Variants in MED28 observed in about 807,000 individuals in gnomAD.
MED28 encodes mediator complex subunit 28.
Under a neutral mutation model 21.3 loss-of-function variants are expected in MED28, and 26 were observed. The ratio of observed to expected loss-of-function variants is 1.22; its 90% CI spans 0.89 to 1.69. The LOEUF (loss-of-function observed/expected upper bound fraction) is 1.69. MED28 is among the 40% of genes most tolerant of loss of function. The pLI is 0.00. For missense variants in MED28, 257 were observed against 215.4 expected, an observed-to-expected ratio of 1.19 and a Z score of -1.21; for synonymous variants, 110 against 87.6, an observed-to-expected ratio of 1.26 and a Z score of -1.43.
intron 2 of MED28, among the ~76,000 whole-genome samples, chr4:17,620,564 C>T (rs1014980826): frequency 1.3e-5 from 2 of 152,182 alleles, no homozygotes; most frequent in African/African-American, 2.4e-5. Flanking sequence ...AACTCCTGAT[C>T]TCTGGTGATC....
chr4:17,615,080 C>T lies in MED28; in HGVS notation c.159+267C>T, dbSNP rs1336639048. On this transcript the variant is annotated intron_variant, in intron 1 of 3. Coordinates refer to ENST00000237380, the MANE Select transcript of MED28 (RefSeq NM_025205.5). The stretch of plus-strand genomic sequence containing the variant: ...ACTTGGAACCCTTCCAGATTCCCAG[C>T]CGGTCCTTAGTCTCATCCCCGAGCA... Among the ~76,000 whole-genome samples, 3 of 152,200 alleles carry T rather than the reference C, an allele frequency of 2.0e-5. No individual in the cohort carries two copies. In the South Asian group the frequency reaches 6.2e-4, roughly 32 times the overall value.
Position 17,627,862 on chromosome 4 carries a change from T to G in MED28, c.*4064T>G, listed in dbSNP as rs369483785. ...AAAAATAAAAAAATACTGAGCAGTC[T>G]GCTTGGGCGCTTCCATCAGCCTGGC... is the stretch of plus-strand genomic sequence containing the variant. On this transcript the variant is annotated 3_prime_UTR_variant, in exon 4 of 4. Transcript: ENST00000237380. 1 of 152,304 alleles carries G rather than the reference T, an allele frequency of 6.6e-6. No homozygotes were observed. Among genetic ancestry groups the G allele is most frequent in the African/African-American group, 2.4e-5 (1 of 41,456 alleles). The allele number at this position is 152,304 out of a possible 1,614,324, so 9.4% of individuals were successfully genotyped here.
chr4:17,617,170 C>A (rs1255348491), intron 1 of MED28, among the ~76,000 whole-genome samples: 1 of 152,190 alleles, frequency 6.6e-6, no homozygotes, highest in Non-Finnish European at 1.5e-5. Context: ...GAGCTGGATC[C>A]TCTCTGCTGC....
In MED28 at chr4:17,623,738, C is replaced by G. The variant is rs750651453; in HGVS notation, c.477C>G (p.Gly159=). The G allele has an allele frequency of 3.7e-6, 6 of 1,614,086 alleles. No individual in the cohort carries two copies. In the African/African-American group the frequency reaches 8.0e-5, roughly 22 times the overall value. ...AAAAGCCCGCCGACATCCCTCAGGG[C>G]TCCTTGGCCTACCTGGAGCAGGCAT... The part of the protein sequence containing the change: ...QHKKPADIPQ[G]SLAYLEQASA... The change falls in exon 4 of 4, where the codon GGC becomes GGG. Residue 159 remains glycine (G), a synonymous_variant. Transcript: ENST00000237380.
rs765262658 is a variant in MED28 at position 17,630,602 on chromosome 4, G to A, written c.*6804G>A. The A allele has an allele frequency of 2.0e-5, 3 of 152,178 alleles. No homozygotes were observed. The highest frequency in any genetic ancestry group is 4.4e-5 in the Non-Finnish European group (3 of 68,038). The allele number at this position is 152,178 out of a possible 1,614,324, so 9.4% of individuals were successfully genotyped here. A position where few individuals can be genotyped will look rare whatever the true frequency, so the allele number is the denominator to read the frequency against. ...GATATTTTGTTAGAGCAGCCTGAAC[G>A]AACTAAGACACTCTAAGCGGGAAAC... On this transcript the variant is annotated 3_prime_UTR_variant, in exon 4 of 4. Coordinates refer to ENST00000237380, the MANE Select transcript of MED28 (RefSeq NM_025205.5).
rs753434243 is a variant in MED28 at position 17,632,544 on chromosome 4, G to C, written c.*8746G>C. The C allele has an allele frequency of 7.5e-5, 116 of 1,550,852 alleles. No homozygotes were observed. The highest frequency in any genetic ancestry group is 1.4e-4 in the Admixed American group (7 of 50,950). ...CCCAAAGGTTAGCTTAGAAAGAAAA[G>C]TACTTGGTGAACCATTCCTGGTGCG... On this transcript the variant is annotated 3_prime_UTR_variant, in exon 4 of 4. Coordinates refer to ENST00000237380, the MANE Select transcript of MED28 (RefSeq NM_025205.5).
At chr4:17,622,639 C>A (rs1426461896) in intron 3 of MED28, among the ~76,000 whole-genome samples, 2 of 152,136 alleles carry the variant, frequency 1.3e-5, no homozygotes, top group Non-Finnish European at 2.9e-5. Flanking sequence ...CAGCAGTAGC[C>A]TTTGGAGAGA....
rs1714744474 is a variant in MED28, at chr4:17,625,237, A to T, written c.*1439A>T. On this transcript the variant is annotated 3_prime_UTR_variant, in exon 4 of 4. Coordinates refer to ENST00000237380, the MANE Select transcript of MED28 (RefSeq NM_025205.5). ...TCTACACCCATGAGAATTAGACATT[A>T]TTCTCCTTAAATATATAAGGACCAT... The T allele has an allele frequency of 6.5e-6, 1 of 153,812 alleles. No individual in the cohort carries two copies. 9.5% of individuals were successfully genotyped at this position (153,812 alleles called of 1,614,324 possible). A position where few individuals can be genotyped will look rare whatever the true frequency, so the allele number is the denominator to read the frequency against.
rs1714694921 is a variant in MED28, at chr4:17,623,631, C to T, written c.370C>T (p.Arg124Trp). The change falls in exon 4 of 4, where the codon CGG becomes TGG. Residue 124 changes from arginine to tryptophan, a missense_variant. Coordinates refer to ENST00000237380, the MANE Select transcript of MED28 (RefSeq NM_025205.5). Reference sequence around the variant, plus strand: ...GTCAGAACTAAGGAATGAATTACAGCGGAAAGATGCACTAGTCCAGAAGCA... The same window carrying T: ...GTCAGAACTAAGGAATGAATTACAGTGGAAAGATGCACTAGTCCAGAAGCA... ...DVSELRNELQ[R>W]KDALVQKHLT... 6.8e-6 allele frequency: 11 copies of T among 1,614,000 alleles called. No homozygotes were observed. The highest frequency in any genetic ancestry group is 1.3e-5 in the African/African-American group (1 of 74,912).
At position 17,632,499 on chromosome 4, in the gene MED28, A is replaced by C. The variant is rs1228084237; in HGVS notation, c.*8701A>C. ...GGATGATTTAAAATAAATGTTTTTC[A>C]AGTATCCTCTGTGATGTATCCCAAA... On this transcript the variant is annotated 3_prime_UTR_variant, in exon 4 of 4. Transcript: ENST00000237380. 2 of 1,456,568 alleles carry C rather than the reference A, an allele frequency of 1.4e-6. No homozygotes were observed. Among genetic ancestry groups the C allele is most frequent in the South Asian group, 2.5e-5 (2 of 79,540 alleles). 90.2% of individuals were successfully genotyped at this position (1,456,568 alleles called of 1,614,324 possible).
chr4:17,633,973 A>G lies in MED28; in HGVS notation c.*10175A>G, dbSNP rs1715046311. The G allele has an allele frequency of 9.1e-6, 10 of 1,102,638 alleles. No individual in the cohort carries two copies. The highest frequency in any genetic ancestry group is 1.2e-5 in the Non-Finnish European group (10 of 831,280). The allele number at this position is 1,102,638 out of a possible 1,614,324, so 68.3% of individuals were successfully genotyped here. A position where few individuals can be genotyped will look rare whatever the true frequency, so the allele number is the denominator to read the frequency against. On this transcript the variant is annotated 3_prime_UTR_variant, in exon 4 of 4. Transcript: ENST00000237380. ...TTGTAAAAGCAAATAATGCTCACCCAATCAAAATTGTATCGGAGAAGAAGC... is the reference window on the plus strand; with the variant it reads ...TTGTAAAAGCAAATAATGCTCACCCGATCAAAATTGTATCGGAGAAGAAGC...
Position 17,633,847 on chromosome 4 carries a change from C to T in MED28, c.*10049C>T. ...TCTTTGCATAGGAGGCGAGGTTCGG[C>T]ACGCTGACCACGCGGCTGGGCACGT... On this transcript the variant is annotated 3_prime_UTR_variant, in exon 4 of 4. Coordinates refer to ENST00000237380, the MANE Select transcript of MED28 (RefSeq NM_025205.5). 6.4e-7 allele frequency: 1 copy of T among 1,551,202 alleles called. No individual in the cohort carries two copies. The highest frequency in any genetic ancestry group is 1.2e-5 in the South Asian group (1 of 83,996).
chr4:17,631,841 A>C lies in MED28; in HGVS notation c.*8043A>C, dbSNP rs1714953483. 6.6e-6 allele frequency: 1 copy of C among 152,168 alleles called. No homozygotes were observed. Among genetic ancestry groups the C allele is most frequent in the South Asian group, 2.1e-4 (1 of 4,824 alleles). The allele number at this position is 152,168 out of a possible 1,614,324, so 9.4% of individuals were successfully genotyped here. A position where few individuals can be genotyped will look rare whatever the true frequency, so the allele number is the denominator to read the frequency against. ...ATTTTGGAATTGCATCATTTTACAT[A>C]GAAACAGCTTTCCAGTGGAGTTGAC... On this transcript the variant is annotated 3_prime_UTR_variant, in exon 4 of 4. Coordinates refer to ENST00000237380, the MANE Select transcript of MED28 (RefSeq NM_025205.5).
chr4:17,632,774 A>G lies in MED28; in HGVS notation c.*8976A>G, dbSNP rs1408112160. The G allele has an allele frequency of 1.7e-6, 1 of 571,944 alleles. No homozygotes were observed. Among genetic ancestry groups the G allele is most frequent in the Admixed American group, 3.0e-5 (1 of 33,022 alleles). The allele number at this position is 571,944 out of a possible 1,614,324, so 35.4% of individuals were successfully genotyped here. A position where few individuals can be genotyped will look rare whatever the true frequency, so the allele number is the denominator to read the frequency against. ...TGGCCAACATTAGTAGTGGGAAACA[A>G]ATTGTAAAGGATGGGGCTGGGGAGG... On this transcript the variant is annotated 3_prime_UTR_variant, in exon 4 of 4. Transcript: ENST00000237380.
rs1560157873 is a variant in MED28 at position 17,621,630 on chromosome 4, G to A, written c.270G>A (p.Gln90=). ...CIQKFLDIAR[Q]TECFFLQKRL... ...AGAAGTTTCTGGATATTGCAAGACA[G>A]ACAGAATGTTTTTTCTTACAAAAAA... The change falls in exon 3 of 4, where the codon CAG becomes CAA. Residue 90 remains glutamine (Q), a synonymous_variant. Transcript: ENST00000237380. 2 of 1,610,586 alleles carry A rather than the reference G, an allele frequency of 1.2e-6. No homozygotes were observed. Among genetic ancestry groups the A allele is most frequent in the Non-Finnish European group, 1.7e-6 (2 of 1,179,238 alleles).
chr4:17,621,742 G>A, intron 3 of MED28, 43 bp downstream of exon 3: 1 of 1,278,436 alleles, frequency 7.8e-7, no homozygotes, highest in African/African-American at 1.5e-5. Flanking sequence ...GAAGAACTAA[G>A]TGGTGCCAGG....
At position 17,628,362 on chromosome 4, in the gene MED28, A is replaced by C. The variant is rs138694751; in HGVS notation, c.*4564A>C. 2.0e-5 allele frequency: 3 copies of C among 151,354 alleles called. No homozygotes were observed. Among genetic ancestry groups the C allele is most frequent in the African/African-American group, 7.3e-5 (3 of 41,194 alleles). The allele number at this position is 151,354 out of a possible 1,614,324, so 9.4% of individuals were successfully genotyped here. A position where few individuals can be genotyped will look rare whatever the true frequency, so the allele number is the denominator to read the frequency against. On this transcript the variant is annotated 3_prime_UTR_variant, in exon 4 of 4. Coordinates refer to ENST00000237380, the MANE Select transcript of MED28 (RefSeq NM_025205.5). ...TGTGTGTGTGTATATATATATATGC[A>C]ATTATACCTTTATCCCTACTCTAGT...
intron 1 of MED28, among the ~76,000 whole-genome samples, chr4:17,617,346 G>C (rs1431462380): frequency 6.6e-6 from 1 of 152,152 alleles, no homozygotes; most frequent in Non-Finnish European, 1.5e-5. Flanking sequence ...TTCCTATTGG[G>C]GTGCCACTCC....
chr4:17,621,649 CA>C lies in MED28; in HGVS notation c.295del (p.Arg99AspfsTer20). On this transcript the variant is annotated frameshift_variant, in exon 3 of 4. Coordinates refer to ENST00000237380, the MANE Select transcript of MED28 (RefSeq NM_025205.5). LOFTEE classifies it high-confidence loss of function. ...AAGACAGACAGAATGTTTTTTCTTA[CA>C]AAAAAGATTGCAGTTATCTGTCCAG... Reference protein sequence around the residue: ...IARQTECFFLQKRLQLSVQKP... With the variant: ...IARQTECFFLXKRLQLSVQKP... 1.2e-6 allele frequency: 2 copies of C among 1,609,496 alleles called. No homozygotes were observed. Among genetic ancestry groups the C allele is most frequent in the South Asian group, 1.1e-5 (1 of 88,960 alleles).
Sources: allele counts gnomAD v4.1 joint callset (sites outside exome capture counted in the v4.1 genomes callset), GRCh38; gene constraint gnomAD v4.1.1; transcripts MANE v1.5; gene names NCBI Gene and HGNC (gene_info 2026-07-23, HGNC 2026-07-21).